Variants in RAD9A observed in about 807,000 individuals in gnomAD.
RAD9A encodes the protein RAD9 checkpoint clamp component A, also known as cell cycle checkpoint control protein RAD9A.
In RAD9A, 25 loss-of-function variants were observed where a neutral mutation model predicts 41.2. That is an observed-to-expected ratio of 0.61 (90% CI 0.44 to 0.85). The LOEUF (loss-of-function observed/expected upper bound fraction) is 0.85. RAD9A is among the 40% of genes least tolerant of loss of function. The pLI is 0.00. For synonymous variants in RAD9A, 252 were observed against 210.6 expected, an observed-to-expected ratio of 1.20 and a Z score of -1.70; for missense variants, 514 against 518.3, an observed-to-expected ratio of 0.99 and a Z score of 0.08.
chr11:67,392,223 G>GT lies in RAD9A; in HGVS notation c.97_98insT (p.Glu33ValfsTer42). Reference sequence around the variant, plus strand: ...GGACGAGCTCTACCTGGAACCCTTGGAGGACGGGGTGAGGGGCTAGGGTGT... The same window carrying GT: ...GGACGAGCTCTACCTGGAACCCTTGGTAGGACGGGGTGAGGGGCTAGGGTGT... On this transcript the variant is annotated frameshift_variant, in exon 2 of 11. Transcript: ENST00000307980. LOFTEE classifies it high-confidence loss of function. 7.1e-7 allele frequency: 1 copy of GT among 1,402,872 alleles called. No individual in the cohort carries two copies. Among genetic ancestry groups the GT allele is most frequent in the Admixed American group, 1.8e-5 (1 of 56,334 alleles). 86.9% of individuals were successfully genotyped at this position (1,402,872 alleles called of 1,614,324 possible).
chr11:67,392,262 G>GGGGGGGGGGGGGGGC, intron 2 of RAD9A, 31 bp downstream of exon 2: 9 of 600,782 alleles, frequency 1.5e-5, no homozygotes, highest in Non-Finnish European at 2.1e-5. Context: ...GGGCGGGTGG[G>GGGGGGGGGGGGGGGC]ACTCCAGCCG....
At position 67,397,194 on chromosome 11, in the gene RAD9A, C is replaced by T. The variant is rs773286510; in HGVS notation, c.888C>T (p.Asp296=). 17 of 1,613,238 alleles carry T rather than the reference C, an allele frequency of 1.1e-5. No individual in the cohort carries two copies. Among genetic ancestry groups the T allele is most frequent in the South Asian group, 8.8e-5 (8 of 91,066 alleles). The change falls in exon 10 of 11, where the codon GAC becomes GAT. Residue 296 remains aspartate, a synonymous_variant. Transcript: ENST00000307980. Reference sequence around the variant, plus strand: ...CTGCCTACAGCACACCCCACCCGGACGACTTTGCCAATGACGACATTGACT... The same window carrying T: ...CTGCCTACAGCACACCCCACCCGGATGACTTTGCCAATGACGACATTGACT... ...QLQAHSTPHP[D]DFANDDIDSY...
intron 2 of RAD9A, 27 bp downstream of exon 2, chr11:67,392,258 G>GGGGGGGGGGCC: frequency 1.5e-6 from 2 of 1,319,218 alleles, no homozygotes; most frequent in Non-Finnish European, 1.1e-6. Context: ...TGGGGGGCGG[G>GGGGGGGGGGCC]TGGGACTCCA....
In RAD9A at chr11:67,393,685, A is replaced by C. The variant is rs1862599038; in HGVS notation, c.350-6A>C. The stretch of plus-strand genomic sequence containing the variant: ...GAGGCCCACTGAGACCCTATCGCCC[A>C]TCCAGGGGTGCGGAAGACTCACAAC... On this transcript the variant is annotated splice_polypyrimidine_tract_variant and splice_region_variant and intron_variant, in intron 4 of 10. Coordinates refer to ENST00000307980, the MANE Select transcript of RAD9A (RefSeq NM_004584.3). 4 of 1,612,676 alleles carry C rather than the reference A, an allele frequency of 2.5e-6. No individual in the cohort carries two copies. The highest frequency in any genetic ancestry group is 3.4e-6 in the Non-Finnish European group (4 of 1,179,116).
At chr11:67,392,307 C>A in intron 2 of RAD9A, 76 bp downstream of exon 2, 1 of 1,278,170 alleles carries the variant, frequency 7.8e-7, no homozygotes, top group Non-Finnish European at 1.1e-6. Flanking sequence ...CTCGCCCCCA[C>A]TAGGCGGGAT....
rs1459249518 is a variant in RAD9A at position 67,397,324 on chromosome 11, C to A, written c.1018C>A (p.His340Asn). The A allele has an allele frequency of 6.3e-7, 1 of 1,596,920 alleles. No homozygotes were observed. Among genetic ancestry groups the A allele is most frequent in the Admixed American group, 1.7e-5 (1 of 57,282 alleles). ...CCAGCCCCCCAAGAGCCCCGGTCCC[C>A]ACTCCGAGGAGGAAGATGAGGCTGA... ...GPQPPKSPGP[H>N]SEEEDEAEPS... is the part of the protein sequence containing the mutation. The change falls in exon 10 of 11, where the codon CAC becomes AAC. Residue 340 changes from histidine to asparagine, a missense_variant. Around this residue, in one of 3 missense-constraint regions of RAD9A, gnomAD observed 216 missense variants for 184.2 expected, o/e 1.17. Transcript: ENST00000307980.
chr11:67,393,755 A>C lies in RAD9A; in HGVS notation c.414A>C (p.Pro138=). 3 of 1,611,998 alleles carry C rather than the reference A, an allele frequency of 1.9e-6. No homozygotes were observed. Among genetic ancestry groups the C allele is most frequent in the Non-Finnish European group, 2.5e-6 (3 of 1,179,446 alleles). The change falls in exon 5 of 11, where the codon CCA becomes CCC. Residue 138 remains proline (P), a synonymous_variant. Transcript: ENST00000307980. ...AGTCCCTGCAGGCCGTCTTCGACCC[A>C]GCCTCGTGCCCCCACATGCTCCGCG... ...DCESLQAVFD[P]ASCPHMLRAP... is the part of the protein sequence containing the mutation.
In RAD9A at chr11:67,393,660, G is replaced by C. The variant is rs565369899; in HGVS notation, c.350-31G>C. ...GGGGTGCCTCAGCAGGGAGGTCGGCGAGGCCCACTGAGACCCTATCGCCCA... is the reference window on the plus strand; with the variant it reads ...GGGGTGCCTCAGCAGGGAGGTCGGCCAGGCCCACTGAGACCCTATCGCCCA... On this transcript the variant is annotated intron_variant, in intron 4 of 10. Coordinates refer to ENST00000307980, the MANE Select transcript of RAD9A (RefSeq NM_004584.3). The C allele has an allele frequency of 1.1e-5, 17 of 1,612,834 alleles. No homozygotes were observed. The South Asian group carries it at 1.8e-4, about 17-fold the overall frequency.
chr11:67,397,047 C>A, intron 9 of RAD9A, 132 bp from the exon 10 acceptor site: 3 of 648,280 alleles, frequency 4.6e-6, no homozygotes, highest in Non-Finnish European at 5.5e-6. Flanking sequence ...TCCTCTCCAG[C>A]CAAATCAGGA....
rs1245539188 is a variant in RAD9A at position 67,393,689 on chromosome 11, A to G, written c.350-2A>G. On this transcript the variant is annotated splice_acceptor_variant, in intron 4 of 10. Coordinates refer to ENST00000307980, the MANE Select transcript of RAD9A (RefSeq NM_004584.3). LOFTEE classifies it high-confidence loss of function. Reference sequence around the variant, plus strand: ...CCCACTGAGACCCTATCGCCCATCCAGGGGTGCGGAAGACTCACAACCTGT... The same window carrying G: ...CCCACTGAGACCCTATCGCCCATCCGGGGGTGCGGAAGACTCACAACCTGT... 6.2e-7 allele frequency: 1 copy of G among 1,612,932 alleles called. No individual in the cohort carries two copies. Among genetic ancestry groups the G allele is most frequent in the South Asian group, 1.1e-5 (1 of 91,012 alleles).
At position 67,392,022 on chromosome 11, in the gene RAD9A, C is replaced by CA; in HGVS notation, c.-23_-22insA. Reference sequence around the variant, plus strand: ...TCGCGGAGAGCTGGGCAGTGTTGGCCGCTGGCGGAGCGCTGGGGCAGCATG... The same window carrying CA: ...TCGCGGAGAGCTGGGCAGTGTTGGCCAGCTGGCGGAGCGCTGGGGCAGCATG... On this transcript the variant is annotated 5_prime_UTR_variant, in exon 1 of 11. Coordinates refer to ENST00000307980, the MANE Select transcript of RAD9A (RefSeq NM_004584.3). 6.4e-7 allele frequency: 1 copy of CA among 1,553,698 alleles called. No homozygotes were observed.
intron 3 of RAD9A, chr11:67,393,213 G>A (rs891832692): frequency 1.1e-6 from 1 of 917,124 alleles, no homozygotes; most frequent in African/African-American, 1.7e-5. Flanking sequence ...CCGGGAGGTG[G>A]AGGTTGCAGT....
chr11:67,395,519 G>C (rs1326738911), intron 5 of RAD9A, among the ~76,000 whole-genome samples, 197 bp from the exon 6 acceptor site: 1 of 152,162 alleles, frequency 6.6e-6, no homozygotes, highest in Non-Finnish European at 1.5e-5. Flanking sequence ...TGGTCTGCAT[G>C]GTCAGGTGCC....
chr11:67,392,259 T>TGGGGGGTTTGGGTGGGGGGGGGGGGG, intron 2 of RAD9A, 28 bp downstream of exon 2: 1 of 484,300 alleles, frequency 2.1e-6, no homozygotes. Context: ...GGGGGGCGGG[T>TGGGGGGTTTGGGTGGGGGGGGGGGGG]GGGACTCCAG....
In RAD9A at chr11:67,397,754, C is replaced by T. The variant is rs1862758544; in HGVS notation, c.*195C>T. ...AGCGGTCGGGCCTGGGCCGTTATCTCCCCACAACCCCCAGCCAATCAGGAC... is the reference window on the plus strand; with the variant it reads ...AGCGGTCGGGCCTGGGCCGTTATCTTCCCACAACCCCCAGCCAATCAGGAC... On this transcript the variant is annotated 3_prime_UTR_variant, in exon 11 of 11. Transcript: ENST00000307980. 2 of 583,834 alleles carry T rather than the reference C, an allele frequency of 3.4e-6. No individual in the cohort carries two copies. Among genetic ancestry groups the T allele is most frequent in the Admixed American group, 3.2e-5 (1 of 31,562 alleles). 36.2% of individuals were successfully genotyped at this position (583,834 alleles called of 1,614,324 possible).
At chr11:67,392,139 C>G (rs763266689) in intron 1 of RAD9A, 22 bp from the exon 2 acceptor site, 17 of 1,611,332 alleles carry the variant, frequency 1.1e-5, no homozygotes, top group Non-Finnish European at 1.4e-5. Context: ...AGCCTAACCC[C>G]CTTCCGCTCT....
At chr11:67,395,625 G>T (rs1438111789) in intron 5 of RAD9A, 91 bp from the exon 6 acceptor site, 3 of 951,820 alleles carry the variant, frequency 3.2e-6, no homozygotes, top group Non-Finnish European at 4.8e-6. Context: ...ACATCCGTGC[G>T]TGTGCATGTG....
intron 9 of RAD9A, 33 bp downstream of exon 9, chr11:67,396,433 C>A: frequency 6.2e-7 from 1 of 1,609,944 alleles, no homozygotes; most frequent in Non-Finnish European, 8.5e-7. Context: ...CCTCCTCTCT[C>A]CATGTCTGTG....
Position 67,397,527 on chromosome 11 carries a change from G to A in RAD9A, c.1144G>A (p.Val382Met). 1 of 1,611,198 alleles carries A rather than the reference G, an allele frequency of 6.2e-7. No homozygotes were observed. Among genetic ancestry groups the A allele is most frequent in the East Asian group, 2.2e-5 (1 of 44,878 alleles). ...PVRSPQGPSP[V>M]LAEDSEGEG ...ACGCTCCCCCCAGGGCCCCAGCCCT[G>A]TGCTGGCGGAAGACAGTGAGGGTGA... Residue 382 changes from valine (V) to methionine (M), a missense_variant, in exon 11 of 11, where the codon GTG becomes ATG. Coordinates refer to ENST00000307980, the MANE Select transcript of RAD9A (RefSeq NM_004584.3).
Sources: gnomAD v4.1 joint callset for allele counts (sites outside exome capture counted in the v4.1 genomes callset) on GRCh38, gnomAD v4.1.1 for gene constraint, gnomAD v4.1.1 regional missense constraint, MANE v1.5 for transcripts, NCBI Gene and HGNC (gene_info 2026-07-23, HGNC 2026-07-21) for gene names.